Variants in PLBD1 observed in about 807,000 individuals in gnomAD.
PLBD1 encodes the protein lysosomal leucine aminopeptidase.
Under a neutral mutation model 63.0 loss-of-function variants are expected in PLBD1, and 60 were observed. That is an observed-to-expected ratio of 0.95 (90% CI 0.77 to 1.18). The LOEUF is 1.18. Ranked by LOEUF, PLBD1 falls within the 50% of genes most tolerant of loss-of-function variation. The pLI is 0.00. For missense variants in PLBD1, 598 were observed against 677.9 expected (o/e 0.88, Z 1.31); for synonymous variants, 262 against 248.0 (o/e 1.06, Z -0.53).
chr12:14,532,142 T>C (rs1004294209), intron 6 of PLBD1, among the ~76,000 whole-genome samples: 3 of 152,182 alleles, frequency 2.0e-5, no homozygotes, highest in Non-Finnish European at 4.4e-5. Context: ...GAGAAGCCTA[T>C]AAGTCGAGCT....
At chr12:14,535,259 C>CT (rs917059700) in intron 6 of PLBD1, among the ~76,000 whole-genome samples, 3 of 152,192 alleles carry the variant, frequency 2.0e-5, no homozygotes, top group African/African-American at 4.8e-5. Flanking sequence ...AGGTTAAGTG[C>CT]TGTGGATAGT....
intron 2 of PLBD1, among the ~76,000 whole-genome samples, chr12:14,552,727 C>T (rs929170910): frequency 1.3e-5 from 2 of 152,064 alleles, no homozygotes; most frequent in Non-Finnish European, 2.9e-5. Flanking sequence ...ATGGGGAGAC[C>T]CTGTCTTTGC....
At chr12:14,554,935 C>T (rs1945689490) in intron 1 of PLBD1, among the ~76,000 whole-genome samples, 1 of 152,046 alleles carries the variant, frequency 6.6e-6, no homozygotes, top group African/African-American at 2.4e-5. Flanking sequence ...TATCCTCCAT[C>T]GTGGTGTTTT....
intron 2 of PLBD1, among the ~76,000 whole-genome samples, chr12:14,548,231 CGGATCGCCTGAGGTCA>C (rs1028023613): frequency 1.3e-5 from 2 of 151,736 alleles, no homozygotes; most frequent in Admixed American, 1.3e-4. Flanking sequence ...CTGAGGCAGA[CGGATCGCCTGAGGTCA>C]GGAGTTCGAG....
At chr12:14,537,222 G>T (rs1037903399) in intron 4 of PLBD1, among the ~76,000 whole-genome samples, 10 of 151,962 alleles carry the variant, frequency 6.6e-5, no homozygotes, top group Admixed American at 3.9e-4. Flanking sequence ...GGCATGTTTT[G>T]ATAGCCCCAG....
intron 2 of PLBD1, among the ~76,000 whole-genome samples, chr12:14,547,708 C>T (rs1172586532): frequency 6.6e-6 from 1 of 152,196 alleles, no homozygotes; most frequent in East Asian, 1.9e-4. Context: ...GCACACCCAT[C>T]TTTCCCAGAA....
intron 1 of PLBD1, among the ~76,000 whole-genome samples, chr12:14,556,429 G>T (rs1945703978): frequency 6.6e-6 from 1 of 151,760 alleles, no homozygotes; most frequent in African/African-American, 2.4e-5. Context: ...GAGTGCAATG[G>T]CAAGATCTCA....
intron 8 of PLBD1, 40 bp downstream of exon 8, chr12:14,511,220 T>C: frequency 7.7e-7 from 1 of 1,291,998 alleles, no homozygotes; most frequent in Non-Finnish European, 1.0e-6. Flanking sequence ...AACACACACA[T>C]ACTCATCAGG....
At chr12:14,553,577 A>G in intron 1 of PLBD1, 165 bp from the exon 2 acceptor site, 1 of 650,962 alleles carries the variant, frequency 1.5e-6, no homozygotes, top group East Asian at 2.7e-5. Context: ...AGTGGGGAAA[A>G]ACTGGAATCC....
At position 14,537,805 on chromosome 12, in the gene PLBD1, TTTTG is replaced by T. The variant is rs1275582940; in HGVS notation, c.559-1099_559-1096del. ...TTTATTTATATAAATATCATCTCTG[TTTTG>T]TTTGTTTGAATAAATTATTCATTTA... On this transcript the variant is annotated intron_variant, in intron 4 of 10. Transcript: ENST00000240617. 2.6e-5 allele frequency among the ~76,000 whole-genome samples: 4 copies of T among 152,276 alleles called. 1 individual carries two copies. The highest frequency in any genetic ancestry group is 4.1e-4 in the South Asian group (2 of 4,828).
At chr12:14,554,288 G>C (rs1445762285) in intron 1 of PLBD1, 1 of 152,172 alleles carries the variant, frequency 6.6e-6, no homozygotes, top group Non-Finnish European at 1.5e-5. Context: ...ACCACCTTTA[G>C]GAACTCTGTT....
Position 14,567,766 on chromosome 12 carries a change from A to G in PLBD1, c.-70T>C. ...GTGGCCCGCGGTGGCAGAAGTTGCA[A>G]GAGAGGCTCCTGGCCTACTCAGGGG... On this transcript the variant is annotated 5_prime_UTR_variant, in exon 1 of 11. Transcript: ENST00000240617. 2.2e-6 allele frequency: 3 copies of G among 1,380,912 alleles called. No individual in the cohort carries two copies. Among genetic ancestry groups the G allele is most frequent in the Non-Finnish European group, 1.9e-6 (2 of 1,078,892 alleles). The allele number at this position is 1,380,912 out of a possible 1,614,324, so 85.5% of individuals were successfully genotyped here.
intron 4 of PLBD1, among the ~76,000 whole-genome samples, chr12:14,538,055 A>C (rs1470401767): frequency 4.6e-5 from 7 of 152,078 alleles, no homozygotes; most frequent in Non-Finnish European, 8.8e-5. Flanking sequence ...ATTTTTAAAA[A>C]CATACATGGT....
intron 6 of PLBD1, among the ~76,000 whole-genome samples, chr12:14,519,674 A>G (rs1304873224): frequency 6.6e-6 from 1 of 151,894 alleles, no homozygotes; most frequent in Non-Finnish European, 1.5e-5. Flanking sequence ...ACACAGAGAA[A>G]AGGCCATGTG....
At chr12:14,511,815 A>G in intron 6 of PLBD1, 104 bp from the exon 7 acceptor site, 2 of 1,121,346 alleles carry the variant, frequency 1.8e-6, no homozygotes, top group Non-Finnish European at 2.6e-6. Context: ...TGCAAAGTGT[A>G]TCAGTTATTA....
intron 6 of PLBD1, among the ~76,000 whole-genome samples, chr12:14,525,177 G>A (rs773188308): frequency 2.3e-4 from 35 of 152,220 alleles, no homozygotes; most frequent in African/African-American, 2.9e-4. Flanking sequence ...CAGGAGAATC[G>A]CTTGAACCTG....
chr12:14,567,025 G>A (rs1280361147), intron 1 of PLBD1, among the ~76,000 whole-genome samples: 1 of 151,440 alleles, frequency 6.6e-6, no homozygotes, highest in Non-Finnish European at 1.5e-5. Flanking sequence ...AACCCGGGAG[G>A]CGGAAGTTGC....
chr12:14,559,011 T>C (rs1945727694), intron 1 of PLBD1, among the ~76,000 whole-genome samples: 1 of 152,218 alleles, frequency 6.6e-6, no homozygotes, highest in South Asian at 2.1e-4. Flanking sequence ...CAATGTTTTC[T>C]CTAAGTTTCA....
At chr12:14,546,833 A>C (rs529630738) in intron 2 of PLBD1, among the ~76,000 whole-genome samples, 25 of 152,302 alleles carry the variant, frequency 1.6e-4, no homozygotes, top group African/African-American at 5.8e-4. Context: ...AAATACAGGA[A>C]GGTAACTGGG....
Sources: gnomAD v4.1 joint callset for allele counts (sites outside exome capture counted in the v4.1 genomes callset) on GRCh38, gnomAD v4.1.1 for gene constraint, MANE v1.5 for transcripts, NCBI Gene and HGNC (gene_info 2026-07-23, HGNC 2026-07-21) for gene names.